Variants in ALK observed in about 807,000 individuals in gnomAD.
ALK encodes ALK tyrosine kinase receptor.
Under a neutral mutation model 163.1 loss-of-function variants are expected in ALK, and 74 were observed. That is an observed-to-expected ratio of 0.45 (90% confidence interval 0.38 to 0.55). The LOEUF (loss-of-function observed/expected upper bound fraction) is 0.55, where lower values mean the gene tolerates loss of function less well. Among genes scored for constraint, ALK ranks in the 20% least tolerant of loss-of-function variants. ALK has a pLI of 0.00. For missense variants in ALK, 2,063 were observed against 2,105.3 expected, an observed-to-expected ratio of 0.98 and a Z score of 0.39; for synonymous variants, 960 against 843.2, an observed-to-expected ratio of 1.14 and a Z score of -2.40.
intron 1 of ALK, among the ~76,000 whole-genome samples, chr2:29,845,576 G>A (rs545222072): frequency 2.0e-5 from 3 of 152,152 alleles, no homozygotes; most frequent in Middle Eastern, 3.4e-3. Flanking sequence ...CTGGGAGTAC[G>A]GGCATGTGCC....
intron 8 of ALK, among the ~76,000 whole-genome samples, chr2:29,314,820 T>C (rs2148245068): frequency 6.6e-6 from 1 of 152,212 alleles, no homozygotes; most frequent in African/African-American, 2.4e-5. Flanking sequence ...TTCAGGCTGC[T>C]GGGGTGTGTG....
chr2:29,807,452 CA>C (rs1328528402), intron 1 of ALK, among the ~76,000 whole-genome samples: 2 of 152,184 alleles, frequency 1.3e-5, no homozygotes, highest in Non-Finnish European at 2.9e-5. Flanking sequence ...GCTCTGTGCT[CA>C]GGGGCCCAAC....
intron 1 of ALK, among the ~76,000 whole-genome samples, chr2:29,763,178 C>T (rs932404398): frequency 2.0e-5 from 3 of 151,590 alleles, no homozygotes; most frequent in Non-Finnish European, 2.9e-5. Flanking sequence ...TGACATTGGT[C>T]GAGTTGTAAA....
At chr2:29,875,894 T>G (rs940102131) in intron 1 of ALK, among the ~76,000 whole-genome samples, 1 of 152,216 alleles carries the variant, frequency 6.6e-6, no homozygotes, top group African/African-American at 2.4e-5. Flanking sequence ...GAAACATACA[T>G]GTACATGTGC....
chr2:29,508,765 C>T (rs1336658336), intron 4 of ALK, among the ~76,000 whole-genome samples: 3 of 135,916 alleles, frequency 2.2e-5, no homozygotes, highest in East Asian at 2.3e-4. Flanking sequence ...AAAAGAAATC[C>T]AGACTTCCAG....
intron 1 of ALK, among the ~76,000 whole-genome samples, chr2:29,805,999 A>T (rs1664601122): frequency 6.6e-6 from 1 of 152,206 alleles, no homozygotes; most frequent in African/African-American, 2.4e-5. Flanking sequence ...CATGTGAGTG[A>T]GGAGGTGAAA....
chr2:29,586,085 G>A (rs191594178), intron 3 of ALK, among the ~76,000 whole-genome samples: 19 of 152,108 alleles, frequency 1.2e-4, no homozygotes, highest in East Asian at 9.7e-4. Flanking sequence ...TAAAACCTTC[G>A]CCATTTTGTA....
intron 4 of ALK, among the ~76,000 whole-genome samples, chr2:29,519,975 T>C (rs557718911): frequency 6.6e-6 from 1 of 152,230 alleles, no homozygotes; most frequent in African/African-American, 2.4e-5. Context: ...GTCAGTGTGG[T>C]TAAGTGGTGA....
At chr2:29,379,637 C>CA (rs2148298584) in intron 5 of ALK, among the ~76,000 whole-genome samples, 1 of 152,212 alleles carries the variant, frequency 6.6e-6, no homozygotes, top group South Asian at 2.1e-4. Flanking sequence ...GTATAGGCCC[C>CA]TTTTTCTATT....
chr2:29,891,643 A>T (rs1444867136), intron 1 of ALK, among the ~76,000 whole-genome samples: 1 of 152,190 alleles, frequency 6.6e-6, no homozygotes, highest in African/African-American at 2.4e-5. Flanking sequence ...ACTATAAGAA[A>T]ATGCTGAATT....
intron 11 of ALK, among the ~76,000 whole-genome samples, chr2:29,264,592 G>A (rs1041544036): frequency 1.3e-5 from 2 of 152,236 alleles, no homozygotes; most frequent in Admixed American, 1.3e-4. Context: ...AACAGCACTA[G>A]TCACAGAGAG....
At chr2:29,565,672 G>C (rs1292997549) in intron 3 of ALK, among the ~76,000 whole-genome samples, 1 of 152,112 alleles carries the variant, frequency 6.6e-6, no homozygotes, top group African/African-American at 2.4e-5. Context: ...GGCAAGGCTT[G>C]TCACAAAGAA....
At chr2:29,906,363 G>C (rs1667549878) in intron 1 of ALK, among the ~76,000 whole-genome samples, 1 of 152,152 alleles carries the variant, frequency 6.6e-6, no homozygotes, top group Non-Finnish European at 1.5e-5. Flanking sequence ...GCAGCATCTA[G>C]TACAGTGTCT....
rs190298541 is a variant in ALK, at chr2:29,696,097, A to G, written c.788-1083T>C. 5.1e-3 allele frequency among the ~76,000 whole-genome samples: 784 copies of G among 152,324 alleles called. 8 individuals carry two copies. Among genetic ancestry groups the G allele is most frequent in the African/African-American group, 0.017 (718 of 41,576 alleles). On this transcript the variant is annotated intron_variant, in intron 2 of 28. Transcript: ENST00000389048. ...CAGACATGCCTACATATGTTTACTGAGGCACTGTTCACGATAGCAAAGACT... is the reference window on the plus strand; with the variant it reads ...CAGACATGCCTACATATGTTTACTGGGGCACTGTTCACGATAGCAAAGACT...
intron 4 of ALK, among the ~76,000 whole-genome samples, chr2:29,409,948 A>G (rs954702358): frequency 4.6e-5 from 7 of 152,156 alleles, no homozygotes; most frequent in Admixed American, 4.6e-4. Flanking sequence ...AACTGGGTCA[A>G]GTACTTCCAG....
intron 3 of ALK, among the ~76,000 whole-genome samples, chr2:29,591,541 G>A (rs1051045468): frequency 5.3e-5 from 8 of 152,142 alleles, no homozygotes; most frequent in African/African-American, 1.7e-4. Flanking sequence ...AATATAAAAC[G>A]TCAGAGGAGC....
intron 4 of ALK, among the ~76,000 whole-genome samples, chr2:29,402,405 T>C (rs1669470686): frequency 6.6e-6 from 1 of 152,232 alleles, no homozygotes. Context: ...ACCCGAGTGA[T>C]GGTCTGGAGA....
At chr2:29,702,038 C>A (rs936190845) in intron 2 of ALK, among the ~76,000 whole-genome samples, 1 of 151,910 alleles carries the variant, frequency 6.6e-6, no homozygotes, top group Non-Finnish European at 1.5e-5. Context: ...AAACAGTGTA[C>A]GAGCTCCACA....
At chr2:29,619,433 G>A (rs1430043016) in intron 3 of ALK, among the ~76,000 whole-genome samples, 1 of 152,198 alleles carries the variant, frequency 6.6e-6, no homozygotes, top group Non-Finnish European at 1.5e-5. Context: ...GAGCGTGTGA[G>A]CCCTCAGATC....
Sources: allele counts gnomAD v4.1 joint callset (sites outside exome capture counted in the v4.1 genomes callset), GRCh38; gene constraint gnomAD v4.1.1; transcripts MANE v1.5; gene names NCBI Gene and HGNC (gene_info 2026-07-23, HGNC 2026-07-21).